ERBIN: variants seen among roughly 807,000 people sequenced by gnomAD.
The protein encoded by ERBIN is densin-180-like protein.
In ERBIN, 60 loss-of-function variants were observed where a neutral mutation model predicts 158.4. That is an observed-to-expected ratio of 0.38 (90% CI 0.31 to 0.47). The LOEUF (loss-of-function observed/expected upper bound fraction) is 0.47. Ranked by LOEUF, ERBIN falls within the 20% of genes least tolerant of loss-of-function variation. The pLI is 0.99. For synonymous variants in ERBIN, 594 were observed against 557.2 expected, an observed-to-expected ratio of 1.07 and a Z score of -0.93; for missense variants, 1,610 against 1,648.0, an observed-to-expected ratio of 0.98 and a Z score of 0.40.
intron 14 of ERBIN, among the ~76,000 whole-genome samples, chr5:66,034,100 A>C (rs1312127073): frequency 7.4e-6 from 1 of 135,466 alleles, no homozygotes; most frequent in Non-Finnish European, 1.6e-5. Flanking sequence ...TGGGTGACAG[A>C]GCGAGACTTT....
At chr5:66,013,922 T>C (rs1403553504) in intron 6 of ERBIN, among the ~76,000 whole-genome samples, 1 of 152,124 alleles carries the variant, frequency 6.6e-6, no homozygotes, top group African/African-American at 2.4e-5. Context: ...AATGCTATAT[T>C]CTTAGCATTC....
intron 21 of ERBIN, among the ~76,000 whole-genome samples, chr5:66,059,598 G>A (rs1182457052): frequency 6.6e-6 from 1 of 152,168 alleles, no homozygotes; most frequent in South Asian, 2.1e-4. Flanking sequence ...GTGAGAGAGG[G>A]CATCCCTGTC....
At position 66,078,743 on chromosome 5, in the gene ERBIN, C is replaced by T. The variant is rs1762234680; in HGVS notation, c.*213C>T. ...ACTGTTGAATTCATACCATATAAAA[C>T]TTGTTAGGTTTTTAAACATAGCAAT... On this transcript the variant is annotated 3_prime_UTR_variant, in exon 26 of 26. Transcript: ENST00000284037. 1 of 496,566 alleles carries T rather than the reference C, an allele frequency of 2.0e-6. No homozygotes were observed. The highest frequency in any genetic ancestry group is 3.9e-5 in the Admixed American group (1 of 25,762). The allele number at this position is 496,566 out of a possible 1,614,324, so 30.8% of individuals were successfully genotyped here. A position where few individuals can be genotyped will look rare whatever the true frequency, so the allele number is the denominator to read the frequency against.
intron 21 of ERBIN, among the ~76,000 whole-genome samples, chr5:66,069,999 C>G (rs1288271872): frequency 1.3e-5 from 2 of 152,140 alleles, no homozygotes; most frequent in African/African-American, 4.8e-5. Flanking sequence ...AGAGTGGCAG[C>G]AGTTACGTTG....
chr5:65,984,265 C>G (rs1750968748), intron 1 of ERBIN, among the ~76,000 whole-genome samples: 1 of 152,130 alleles, frequency 6.6e-6, no homozygotes, highest in African/African-American at 2.4e-5. Context: ...CCTGCCCACT[C>G]AGCTTCTCTC....
At chr5:65,968,184 A>G (rs1015656201) in intron 1 of ERBIN, among the ~76,000 whole-genome samples, 1 of 152,224 alleles carries the variant, frequency 6.6e-6, no homozygotes, top group African/African-American at 2.4e-5. Flanking sequence ...ACCTCATTCT[A>G]CAAAATAGTG....
intron 21 of ERBIN, among the ~76,000 whole-genome samples, chr5:66,065,962 G>T (rs1453330835): frequency 6.6e-6 from 1 of 152,024 alleles, no homozygotes. Context: ...ATTTTATTCA[G>T]TAAAAATAAT....
At chr5:66,035,481 A>G (rs1447435902) in intron 14 of ERBIN, among the ~76,000 whole-genome samples, 2 of 152,164 alleles carry the variant, frequency 1.3e-5, no homozygotes, top group Non-Finnish European at 2.9e-5. Context: ...TTGAATCTTA[A>G]ACATCCTAGT....
intron 14 of ERBIN, among the ~76,000 whole-genome samples, chr5:66,030,284 C>T (rs1472206984): frequency 1.3e-5 from 2 of 151,988 alleles, no homozygotes; most frequent in African/African-American, 2.4e-5. Context: ...TCAGGTAATC[C>T]GCCTGCTTCG....
At chr5:65,983,994 C>A (rs1369897801) in intron 1 of ERBIN, among the ~76,000 whole-genome samples, 1 of 152,216 alleles carries the variant, frequency 6.6e-6, no homozygotes, top group African/African-American at 2.4e-5. Context: ...TGTCCCCCAG[C>A]CAGCTGCCCT....
At chr5:65,972,242 T>C (rs1749336576) in intron 1 of ERBIN, among the ~76,000 whole-genome samples, 1 of 152,182 alleles carries the variant, frequency 6.6e-6, no homozygotes, top group African/African-American at 2.4e-5. Flanking sequence ...CAAAAATCCA[T>C]ATGTATATAA....
intron 10 of ERBIN, among the ~76,000 whole-genome samples, chr5:66,024,775 C>T (rs748790778): frequency 2.6e-5 from 4 of 151,998 alleles, no homozygotes; most frequent in Non-Finnish European, 5.9e-5. Context: ...TGTTTCATTA[C>T]AGACACTCAG....
Position 66,070,552 on chromosome 5 carries a change from T to G in ERBIN, c.3634-1617T>G, listed in dbSNP as rs1561455582. On this transcript the variant is annotated intron_variant, in intron 21 of 25. Coordinates refer to ENST00000284037, the MANE Select transcript of ERBIN (RefSeq NM_001253697.2). ...TTTAATTTGGAGCCTTTGAATACAT[T>G]GAATTTTACTTCTACATTCATGGTG... 2.0e-5 allele frequency among the ~76,000 whole-genome samples: 3 copies of G among 152,204 alleles called. No individual in the cohort carries two copies. In the South Asian group the frequency reaches 6.2e-4, roughly 32 times the overall value.
chr5:66,008,706 G>T (rs758532990), intron 4 of ERBIN, among the ~76,000 whole-genome samples: 8 of 152,052 alleles, frequency 5.3e-5, no homozygotes, highest in South Asian at 2.1e-4. Flanking sequence ...ATACTGTATA[G>T]ATTTTAATAA....
chr5:65,928,124 T>G (rs908397969), intron 1 of ERBIN, among the ~76,000 whole-genome samples: 1 of 152,180 alleles, frequency 6.6e-6, no homozygotes, highest in Non-Finnish European at 1.5e-5. Context: ...CAGGATCAAA[T>G]TATTTCACAA....
At chr5:65,980,815 C>T (rs963826126) in intron 1 of ERBIN, among the ~76,000 whole-genome samples, 1 of 151,794 alleles carries the variant, frequency 6.6e-6, no homozygotes, top group African/African-American at 2.4e-5. Context: ...CTCCAACATA[C>T]ATGAAATAAA....
chr5:66,046,989 A>G (rs1386699959), intron 18 of ERBIN, among the ~76,000 whole-genome samples: 1 of 152,188 alleles, frequency 6.6e-6, no homozygotes, highest in Non-Finnish European at 1.5e-5. Context: ...CTCACATATC[A>G]TACAAATCAC....
intron 21 of ERBIN, among the ~76,000 whole-genome samples, chr5:66,059,010 G>T (rs193161273): frequency 0.057 from 8,731 of 152,038 alleles, 868 homozygotes; most frequent in African/African-American, 0.2. Context: ...GGATTGTCTT[G>T]GCAATGCAGG....
chr5:65,962,582 A>G (rs1481613292), intron 1 of ERBIN, among the ~76,000 whole-genome samples: 1 of 152,196 alleles, frequency 6.6e-6, no homozygotes, highest in East Asian at 1.9e-4. Flanking sequence ...GGTGTTTCAT[A>G]TTCCTGCTTT....
Sources: gnomAD v4.1 joint callset for allele counts (sites outside exome capture counted in the v4.1 genomes callset) on GRCh38, gnomAD v4.1.1 for gene constraint, MANE v1.5 for transcripts, NCBI Gene and HGNC (gene_info 2026-07-23, HGNC 2026-07-21) for gene names.